BMPR1A: variants seen among roughly 807,000 people sequenced by gnomAD.
The protein encoded by BMPR1A is bone morphogenetic protein receptor type-1A.
Under a neutral mutation model 66.0 loss-of-function variants are expected in BMPR1A, and 7 were observed. The ratio of observed to expected loss-of-function variants is 0.11; its 90% CI spans 0.06 to 0.20. The LOEUF is 0.20. BMPR1A is among the 10% of genes least tolerant of loss of function. The probability of loss-of-function intolerance (pLI) is 1.00; values close to 1 mark genes in which losing one functional copy is unlikely to be tolerated. For missense variants in BMPR1A, 408 were observed against 669.1 expected, an observed-to-expected ratio of 0.61 and a Z score of 4.31; for synonymous variants, 200 against 229.7, an observed-to-expected ratio of 0.87 and a Z score of 1.17.
intron 3 of BMPR1A, among the ~76,000 whole-genome samples, chr10:86,885,535 C>A (rs142822466): frequency 6.6e-6 from 1 of 152,154 alleles, no homozygotes; most frequent in East Asian, 1.9e-4. Context: ...CATTTTAATT[C>A]GTCTACATTT....
At chr10:86,806,395 T>TG (rs562652164) in intron 1 of BMPR1A, among the ~76,000 whole-genome samples, 3 of 152,212 alleles carry the variant, frequency 2.0e-5, no homozygotes, top group Non-Finnish European at 4.4e-5. Context: ...TATTTATAGT[T>TG]GTAGAATGGT....
At chr10:86,798,051 T>C (rs1178686729) in intron 1 of BMPR1A, among the ~76,000 whole-genome samples, 1 of 152,180 alleles carries the variant, frequency 6.6e-6, no homozygotes, top group Non-Finnish European at 1.5e-5. Context: ...TTTGATATAT[T>C]AATTGCTAGT....
chr10:86,773,128 CTTT>C (rs1554876952), intron 1 of BMPR1A, among the ~76,000 whole-genome samples: 2 of 113,236 alleles, frequency 1.8e-5, no homozygotes, highest in Admixed American at 8.4e-5. Flanking sequence ...TTCTAGTTAT[CTTT>C]TTTTTTTTTT....
intron 3 of BMPR1A, among the ~76,000 whole-genome samples, chr10:86,885,889 G>T (rs1843061312): frequency 6.6e-6 from 1 of 152,106 alleles, no homozygotes; most frequent in Non-Finnish European, 1.5e-5. Context: ...ACTTAGCCAG[G>T]AATAAAAATC....
At chr10:86,766,646 C>T (rs930563971) in intron 1 of BMPR1A, among the ~76,000 whole-genome samples, 39 of 133,730 alleles carry the variant, frequency 2.9e-4, no homozygotes, top group African/African-American at 1.1e-3. Flanking sequence ...GACGGAGTCT[C>T]GCTCTTTCAC....
chr10:86,764,987 G>C (rs1199055478), intron 1 of BMPR1A, among the ~76,000 whole-genome samples: 1 of 152,154 alleles, frequency 6.6e-6, no homozygotes, highest in African/African-American at 2.4e-5. Context: ...ACTGTGGGAG[G>C]ATTGCTTGAG....
chr10:86,782,465 C>G (rs1010454625), intron 1 of BMPR1A, among the ~76,000 whole-genome samples: 4 of 152,016 alleles, frequency 2.6e-5, no homozygotes, highest in Non-Finnish European at 4.4e-5. Context: ...CACAGGAGTT[C>G]TAATTCCTCC....
chr10:86,928,953 C>G (rs1366482036), downstream of BMPR1A: 1 of 151,796 alleles, frequency 6.6e-6, no homozygotes, highest in Non-Finnish European at 1.5e-5. Flanking sequence ...CTGCACCCGG[C>G]CTTATTCTTT....
intron 2 of BMPR1A, among the ~76,000 whole-genome samples, chr10:86,860,700 G>C (rs1842701611): frequency 2.0e-5 from 3 of 151,176 alleles, no homozygotes; most frequent in Non-Finnish European, 4.4e-5. Flanking sequence ...AACCTGGGAG[G>C]CGGAGGTTGC....
intron 3 of BMPR1A, among the ~76,000 whole-genome samples, chr10:86,886,828 C>CTTTTTTTTTTTTT (rs10572910): frequency 1.3e-5 from 1 of 76,708 alleles, no homozygotes; most frequent in Non-Finnish European, 2.7e-5. Context: ...TATTTTGTCA[C>CTTTTTTTTTTTTT]TTTTTTTTTT....
chr10:86,769,138 G>GA (rs1427646211), intron 1 of BMPR1A, among the ~76,000 whole-genome samples: 4 of 152,182 alleles, frequency 2.6e-5, no homozygotes, highest in Admixed American at 2.6e-4. Context: ...ATGCTTCTGT[G>GA]TATCATCAGT....
chr10:86,867,692 GATTATCT>G (rs1405345972), intron 2 of BMPR1A, among the ~76,000 whole-genome samples: 2 of 152,180 alleles, frequency 1.3e-5, no homozygotes, highest in African/African-American at 4.8e-5. Context: ...TTTGAAAACA[GATTATCT>G]ATTTGAAAAA....
intron 2 of BMPR1A, among the ~76,000 whole-genome samples, chr10:86,843,881 A>C (rs1318175757): frequency 3.9e-5 from 6 of 152,186 alleles, no homozygotes; most frequent in African/African-American, 1.4e-4. Context: ...TTGTGGCACT[A>C]GTTAGGCATA....
chr10:86,804,803 T>G (rs993490847), intron 1 of BMPR1A, among the ~76,000 whole-genome samples: 7 of 150,392 alleles, frequency 4.7e-5, no homozygotes, highest in South Asian at 4.2e-4. Context: ...TTTTTTTTTT[T>G]TTTTTTTTTT....
intron 2 of BMPR1A, chr10:86,855,948 A>C (rs921332959): frequency 6.3e-6 from 4 of 639,390 alleles, no homozygotes; most frequent in South Asian, 1.7e-5. Context: ...GCTTTACTGC[A>C]TAACTATTTC....
chr10:86,772,612 T>A (rs1165458485), intron 1 of BMPR1A, among the ~76,000 whole-genome samples: 1 of 152,164 alleles, frequency 6.6e-6, no homozygotes, highest in Non-Finnish European at 1.5e-5. Flanking sequence ...ATTAAGTCCA[T>A]CTGTGGGGCA....
At chr10:86,828,797 A>G (rs1842230465) in intron 1 of BMPR1A, among the ~76,000 whole-genome samples, 1 of 151,990 alleles carries the variant, frequency 6.6e-6, no homozygotes. Flanking sequence ...AAAAAAAAAT[A>G]TATATACAAT....
intron 5 of BMPR1A, among the ~76,000 whole-genome samples, chr10:86,897,678 C>T (rs953427706): frequency 6.6e-6 from 1 of 152,126 alleles, no homozygotes; most frequent in African/African-American, 2.4e-5. Context: ...GCAATCACAG[C>T]TCACTGCAGC....
intron 1 of BMPR1A, among the ~76,000 whole-genome samples, chr10:86,787,227 A>G (rs566190367): frequency 1.3e-5 from 2 of 152,304 alleles, no homozygotes; most frequent in Non-Finnish European, 2.9e-5. Context: ...CTTTAAATTT[A>G]GCATTTAATA....
Sources: allele counts gnomAD v4.1 joint callset (sites outside exome capture counted in the v4.1 genomes callset), GRCh38; gene constraint gnomAD v4.1.1; transcripts MANE v1.5; gene names NCBI Gene and HGNC (gene_info 2026-07-23, HGNC 2026-07-21).